DENND3: variants seen among roughly 807,000 people sequenced by gnomAD.
The protein encoded by DENND3 is DENN domain containing 3.
A neutral mutation model predicts 135.1 loss-of-function variants in DENND3; 88 were observed. The ratio of observed to expected loss-of-function variants is 0.65; its 90% CI spans 0.55 to 0.78. DENND3 has a LOEUF of 0.78. Among genes scored for constraint, DENND3 ranks in the 30% least tolerant of loss-of-function variants. DENND3 has a pLI of 0.00. For missense variants in DENND3, 1,392 were observed against 1,688.4 expected (o/e 0.82, Z 3.08); for synonymous variants, 693 against 712.3 (o/e 0.97, Z 0.43).
chr8:141,170,859 C>T (rs1445190781), intron 13 of DENND3, among the ~76,000 whole-genome samples: 2 of 152,206 alleles, frequency 1.3e-5, no homozygotes, highest in Non-Finnish European at 2.9e-5. Flanking sequence ...GGCCTGCTGT[C>T]TCCCGGTCAC....
At position 141,146,805 on chromosome 8, in the gene DENND3, T is replaced by C. The variant is rs1421808119; in HGVS notation, c.735+2546T>C. ...TAGGGCATGTTTATCGGCCGCGTGT[T>C]TTATGTGGATAGTTGGCATTTTCTT... On this transcript the variant is annotated intron_variant, in intron 5 of 22. Transcript: ENST00000519811. The surrounding 1 kb of genome is among the most constrained non-coding windows in gnomAD (Gnocchi z 4.3). Among the ~76,000 whole-genome samples the C allele has an allele frequency of 6.6e-6, 1 of 152,036 alleles. No homozygotes were observed. The highest frequency in any genetic ancestry group is 1.5e-5 in the Non-Finnish European group (1 of 68,002).
intron 7 of DENND3, among the ~76,000 whole-genome samples, chr8:141,155,628 A>G (rs1295248490): frequency 6.6e-6 from 1 of 152,022 alleles, no homozygotes; most frequent in African/African-American, 2.4e-5. Context: ...GCTGGTCTCA[A>G]ACTCCTGGGC....
rs1820647778 is a variant in DENND3, at chr8:141,165,411, A to C, written c.1553+122A>C. 17 of 700,570 alleles carry C rather than the reference A, an allele frequency of 2.4e-5. No individual in the cohort carries two copies. In the South Asian group the frequency reaches 3.0e-4, roughly 12 times the overall value. The allele number at this position is 700,570 out of a possible 1,614,324, so 43.4% of individuals were successfully genotyped here. On this transcript the variant is annotated intron_variant, in intron 11 of 22. Transcript: ENST00000519811. The stretch of plus-strand genomic sequence containing the variant: ...GGAAATACCTTGTGCTTAGAAACTC[A>C]TGATGAACTGGGCGACAGCTAGGAA...
In DENND3 at chr8:141,146,454, T is replaced by C. The variant is rs574676704; in HGVS notation, c.735+2195T>C. 1.3e-5 allele frequency among the ~76,000 whole-genome samples: 2 copies of C among 152,378 alleles called. No individual in the cohort carries two copies. Among genetic ancestry groups the C allele is most frequent in the South Asian group, 4.1e-4 (2 of 4,834 alleles). The stretch of plus-strand genomic sequence containing the variant: ...GCATGTTCCAAACTAATTTTAACTG[T>C]ACTTAGGATGCTGCTTTTTATTTTT... On this transcript the variant is annotated intron_variant, in intron 5 of 22. Transcript: ENST00000519811. The surrounding 1 kb of genome is among the most constrained non-coding windows in gnomAD (Gnocchi z 4.3).
chr8:141,162,487 T>C (rs560204155), intron 9 of DENND3, among the ~76,000 whole-genome samples: 2 of 152,200 alleles, frequency 1.3e-5, no homozygotes, highest in African/African-American at 2.4e-5. Flanking sequence ...TTCCCCTAGA[T>C]GAAATAATTT....
chr8:141,150,335 A>G, intron 5 of DENND3: 1 of 1,280,430 alleles, frequency 7.8e-7, no homozygotes, highest in Non-Finnish European at 1.0e-6. Context: ...TTTGAACTGA[A>G]GTGTGACTTC....
intron 5 of DENND3, among the ~76,000 whole-genome samples, chr8:141,145,853 A>ATATATATATATATATATATATATAT (rs1569555499): frequency 1.2e-5 from 1 of 85,836 alleles, no homozygotes; most frequent in Non-Finnish European, 2.5e-5. Context: ...ATATATATGT[A>ATATATATATATATATATATATATAT]TTTTTTTTTT....
intron 9 of DENND3, among the ~76,000 whole-genome samples, chr8:141,162,948 G>A (rs1820319558): frequency 6.6e-6 from 1 of 152,244 alleles, no homozygotes; most frequent in Non-Finnish European, 1.5e-5. Context: ...CAGAGGTGAA[G>A]TGACTTGTCC....
chr8:141,156,383 C>T (rs1249840636), intron 8 of DENND3, among the ~76,000 whole-genome samples: 1 of 152,174 alleles, frequency 6.6e-6, no homozygotes, highest in Non-Finnish European at 1.5e-5. Flanking sequence ...AGCCACCGCA[C>T]CTGGCCATGA....
At chr8:141,149,022 T>C (rs1289933852) in intron 5 of DENND3, among the ~76,000 whole-genome samples, 1 of 152,066 alleles carries the variant, frequency 6.6e-6, no homozygotes, top group East Asian at 1.9e-4. Flanking sequence ...GCGATTTTCC[T>C]GCCTCAACCT....
At chr8:141,165,689 C>T (rs1038245575) in intron 11 of DENND3, among the ~76,000 whole-genome samples, 7 of 152,136 alleles carry the variant, frequency 4.6e-5, no homozygotes, top group African/African-American at 1.7e-4. Flanking sequence ...GTCTTGAACT[C>T]CTGACCTCAG....
chr8:141,190,705 C>T (rs1268175456), intron 20 of DENND3: 2 of 349,948 alleles, frequency 5.7e-6, no homozygotes. Flanking sequence ...TTGCTGTGCC[C>T]TGCTCTGGGG....
chr8:141,189,020 G>A lies in DENND3; in HGVS notation c.3119G>A (p.Trp1040Ter). ...GTGATGGCCGACCAGAACCAGGTGT[G>A]GGTTGGCTCGGAAGACTCCGTCATC... is the stretch of plus-strand genomic sequence containing the variant. ...CMVMADQNQV[W>*]VGSEDSVIYI... Residue 1040 changes from tryptophan to a stop codon, truncating the protein, a stop_gained, in exon 19 of 23, where the codon TGG (tryptophan) becomes TAG (stop). Coordinates refer to ENST00000519811, the MANE Select transcript of DENND3 (RefSeq NM_001352890.3). LOFTEE classifies it high-confidence loss of function. The A allele has an allele frequency of 6.2e-6, 10 of 1,614,092 alleles. No homozygotes were observed. Among genetic ancestry groups the A allele is most frequent in the Non-Finnish European group, 8.5e-6 (10 of 1,179,994 alleles).
chr8:141,136,476 T>C, intron 1 of DENND3, 33 bp from the exon 2 acceptor site: 3 of 1,517,238 alleles, frequency 2.0e-6, no homozygotes, highest in Non-Finnish European at 2.6e-6. Flanking sequence ...GAGCTGAGGC[T>C]GTGGCAGTAA....
At chr8:141,164,295 G>A (rs1820500584) in intron 10 of DENND3, among the ~76,000 whole-genome samples, 1 of 152,224 alleles carries the variant, frequency 6.6e-6, no homozygotes, top group Non-Finnish European at 1.5e-5. Context: ...ACTGAGCATT[G>A]GGGTTGTTTC....
chr8:141,141,362 C>T lies in DENND3; in HGVS notation c.623+38C>T. ...ACCGGGGGCCAGGGGTGGTAGGGGG[C>T]AGCTCTTTGTGCCTCTCCAGGTGAG... On this transcript the variant is annotated intron_variant, in intron 4 of 22. Transcript: ENST00000519811. The surrounding 1 kb of genome is among the most constrained non-coding windows in gnomAD (Gnocchi z 5.3). The T allele has an allele frequency of 1.2e-6, 2 of 1,606,828 alleles. No individual in the cohort carries two copies. The highest frequency in any genetic ancestry group is 1.7e-6 in the Non-Finnish European group (2 of 1,177,722).
chr8:141,189,377 C>T (rs561300897), intron 19 of DENND3, among the ~76,000 whole-genome samples: 56 of 152,368 alleles, frequency 3.7e-4, no homozygotes, highest in Middle Eastern at 3.4e-3. Context: ...GCACCACACC[C>T]GGCCTTCCTG....
intron 18 of DENND3, among the ~76,000 whole-genome samples, chr8:141,186,588 G>A (rs1418196506): frequency 1.3e-5 from 2 of 152,246 alleles, no homozygotes; most frequent in Non-Finnish European, 2.9e-5. Flanking sequence ...TGTGGCCCAA[G>A]ACAATTCTTC....
In DENND3 at chr8:141,168,119, G is replaced by T; in HGVS notation, c.1869G>T (p.Glu623Asp). The change falls in exon 13 of 23, where the codon GAG becomes GAT. Residue 623 changes from glutamate to aspartate, a missense_variant. Glu to Asp is a conservative substitution (Grantham distance 45). Coordinates refer to ENST00000519811, the MANE Select transcript of DENND3 (RefSeq NM_001352890.3). This position sits in a 1 kb window ranked among gnomAD's most constrained non-coding sequence, Gnocchi z 6.2. ...YHAHFVSMLSEAMCFLAPDNS... is the reference protein window; with the variant it reads ...YHAHFVSMLSDAMCFLAPDNS... ...CCCACTTTGTCTCCATGCTGAGCGA[G>T]GCCATGTGCTTTCTGGCCCCCGATA... is the stretch of plus-strand genomic sequence containing the variant. 6.2e-7 allele frequency: 1 copy of T among 1,614,200 alleles called. No individual in the cohort carries two copies.
Sources: gnomAD v4.1 joint callset for allele counts (sites outside exome capture counted in the v4.1 genomes callset) on GRCh38, gnomAD v4.1.1 for gene constraint, Gnocchi (gnomAD v3.1) non-coding constraint, MANE v1.5 for transcripts, NCBI Gene and HGNC (gene_info 2026-07-23, HGNC 2026-07-21) for gene names.